INPP4B: variants seen among roughly 807,000 people sequenced by gnomAD.
INPP4B encodes the protein inositol polyphosphate-4-phosphatase type II B.
INPP4B carries 55 observed loss-of-function variants against 122.5 expected under a neutral mutation model. The observed-to-expected ratio is 0.45, with a 90% CI of 0.36 to 0.56. INPP4B has a LOEUF of 0.56. Among genes scored for constraint, INPP4B ranks in the 20% least tolerant of loss-of-function variants. INPP4B has a pLI of 0.00. For missense variants in INPP4B, 1,000 were observed against 1,097.7 expected, an observed-to-expected ratio of 0.91 and a Z score of 1.26; for synonymous variants, 403 against 388.7, an observed-to-expected ratio of 1.04 and a Z score of -0.43.
upstream of INPP4B, chr4:142,846,378 C>T (rs1784202929): frequency 6.6e-6 from 1 of 152,410 alleles, no homozygotes; most frequent in Non-Finnish European, 1.5e-5. The surrounding 1 kb of genome is among the most constrained non-coding windows in gnomAD (Gnocchi z 5.1). Context: ...AGGAAACTAG[C>T]AGGCGGCGGC....
At chr4:142,317,907 A>G (rs1768370282) in intron 7 of INPP4B, among the ~76,000 whole-genome samples, 1 of 152,122 alleles carries the variant, frequency 6.6e-6, no homozygotes, top group Non-Finnish European at 1.5e-5. Flanking sequence ...AATTGGGGCC[A>G]TTTACTGTAG....
intron 1 of INPP4B, among the ~76,000 whole-genome samples, chr4:142,809,699 G>A (rs1779264017): frequency 6.6e-6 from 1 of 152,138 alleles, no homozygotes; most frequent in South Asian, 2.1e-4. Context: ...TTATTTAACA[G>A]TGGTGAATGT....
chr4:142,719,014 G>C (rs938611845), intron 2 of INPP4B, among the ~76,000 whole-genome samples: 1 of 152,078 alleles, frequency 6.6e-6, no homozygotes, highest in African/African-American at 2.4e-5. Flanking sequence ...TATTTTCCTT[G>C]GTACAATGTG....
chr4:142,457,061 TTAAA>T (rs1815607740), intron 3 of INPP4B, among the ~76,000 whole-genome samples: 2 of 151,990 alleles, frequency 1.3e-5, no homozygotes, highest in Admixed American at 1.3e-4. Context: ...AAATAATTAT[TTAAA>T]TAAATAGTGT....
intron 2 of INPP4B, among the ~76,000 whole-genome samples, chr4:142,637,688 G>A (rs1749476757): frequency 1.3e-5 from 2 of 152,164 alleles, no homozygotes; most frequent in Admixed American, 6.6e-5. Context: ...GTGAACATAA[G>A]TTTTCAATTC....
chr4:142,476,834 T>G (rs1819852635), intron 2 of INPP4B, among the ~76,000 whole-genome samples: 1 of 152,152 alleles, frequency 6.6e-6, no homozygotes, highest in African/African-American at 2.4e-5. Context: ...AGAAGAGTCT[T>G]AGACAACCAC....
intron 2 of INPP4B, among the ~76,000 whole-genome samples, chr4:142,637,225 A>G (rs1749349337): frequency 6.6e-6 from 1 of 152,188 alleles, no homozygotes; most frequent in Admixed American, 6.6e-5. Context: ...AGTTTACCTT[A>G]GGATTCACTC....
intron 3 of INPP4B, among the ~76,000 whole-genome samples, chr4:142,448,264 G>A (rs1268998624): frequency 5.2e-5 from 6 of 115,328 alleles, no homozygotes; most frequent in African/African-American, 1.7e-4. Flanking sequence ...TATGGCCCTT[G>A]TTTTGGTTTC....
intron 2 of INPP4B, among the ~76,000 whole-genome samples, chr4:142,675,815 C>T (rs1757676915): frequency 6.6e-6 from 1 of 152,158 alleles, no homozygotes; most frequent in Admixed American, 6.5e-5. Flanking sequence ...GCTAAAAACT[C>T]TCAATAAACT....
At chr4:142,752,520 G>A (rs929568219) in intron 1 of INPP4B, among the ~76,000 whole-genome samples, 7 of 152,042 alleles carry the variant, frequency 4.6e-5, no homozygotes, top group Non-Finnish European at 8.8e-5. Context: ...CTGGTTGCTG[G>A]AGGAGAAGAG....
At position 142,762,834 on chromosome 4, in the gene INPP4B, T is replaced by C. The variant is rs145745142; in HGVS notation, c.-253-36933A>G. Among the ~76,000 whole-genome samples the C allele has an allele frequency of 2.8e-3, 429 of 152,248 alleles. 5 individuals carry two copies. The highest frequency in any genetic ancestry group is 1.0e-2 in the African/African-American group (414 of 41,548). On this transcript the variant is annotated intron_variant, in intron 1 of 25. Coordinates refer to ENST00000262992, the MANE Select transcript of INPP4B (RefSeq NM_001101669.3). ...AACTTGATTGCCAATGTGATAGCAT[T>C]AAGAAGTAGGGCTTTTAGGAGGTGA...
At chr4:142,264,810 T>A (rs1231799610) in intron 10 of INPP4B, among the ~76,000 whole-genome samples, 1 of 152,186 alleles carries the variant, frequency 6.6e-6, no homozygotes, top group Non-Finnish European at 1.5e-5. Flanking sequence ...TATGACCATA[T>A]TTGGAGATAA....
chr4:142,386,696 T>C (rs1796078538), intron 7 of INPP4B, among the ~76,000 whole-genome samples: 1 of 152,214 alleles, frequency 6.6e-6, no homozygotes, highest in South Asian at 2.1e-4. Context: ...TTTATGTCGA[T>C]AAATCTTTTT....
At chr4:142,145,730 C>T in intron 18 of INPP4B, 110 bp downstream of exon 18, 3 of 1,008,990 alleles carry the variant, frequency 3.0e-6, no homozygotes, top group Non-Finnish European at 4.5e-6. Flanking sequence ...ATGCTATCAG[C>T]ACTCTCATCA....
chr4:142,666,237 C>G (rs994588679), intron 2 of INPP4B, among the ~76,000 whole-genome samples: 76 of 151,980 alleles, frequency 5.0e-4, no homozygotes, highest in African/African-American at 1.8e-3. Context: ...ATCCATAATT[C>G]CTAATTTTTC....
intron 11 of INPP4B, among the ~76,000 whole-genome samples, chr4:142,257,872 C>G (rs1737225755): frequency 6.6e-6 from 1 of 151,766 alleles, no homozygotes; most frequent in Non-Finnish European, 1.5e-5. Flanking sequence ...CATATGGAAC[C>G]AAAAAAGAGC....
At chr4:142,750,425 T>C (rs1769510917) in intron 1 of INPP4B, among the ~76,000 whole-genome samples, 1 of 152,130 alleles carries the variant, frequency 6.6e-6, no homozygotes, top group African/African-American at 2.4e-5. Flanking sequence ...AAAGAATCTA[T>C]CATTTACCAA....
intron 1 of INPP4B, among the ~76,000 whole-genome samples, chr4:142,838,593 A>C (rs1163606800): frequency 3.9e-5 from 6 of 152,196 alleles, no homozygotes; most frequent in Admixed American, 1.3e-4. Context: ...ATCTAATATT[A>C]AGAAAATTAT....
chr4:142,309,927 G>C (rs1192540180), intron 8 of INPP4B, among the ~76,000 whole-genome samples: 1 of 152,108 alleles, frequency 6.6e-6, no homozygotes, highest in East Asian at 1.9e-4. Context: ...TAACCCACCA[G>C]CCCCTGCAGC....
Sources: gnomAD v4.1 joint callset for allele counts (sites outside exome capture counted in the v4.1 genomes callset) on GRCh38, gnomAD v4.1.1 for gene constraint, Gnocchi (gnomAD v3.1) non-coding constraint, MANE v1.5 for transcripts, NCBI Gene and HGNC (gene_info 2026-07-23, HGNC 2026-07-21) for gene names.